The following XRRA1 variants were observed in gnomAD, a reference collection of about 807,000 sequenced individuals.
XRRA1 encodes X-ray radiation resistance associated 1.
Under a neutral mutation model 80.2 loss-of-function variants are expected in XRRA1, and 69 were observed. The observed-to-expected ratio is 0.86, with a 90% CI of 0.71 to 1.05. The LOEUF is 1.05. Ranked by LOEUF, XRRA1 falls within the 50% of genes least tolerant of loss-of-function variation. XRRA1 has a pLI of 0.00. For synonymous variants in XRRA1, 348 were observed against 389.9 expected (o/e 0.89, Z 1.27); for missense variants, 967 against 976.4 (o/e 0.99, Z 0.13).
At chr11:74,932,714 A>G (rs1402038329) in intron 5 of XRRA1, among the ~76,000 whole-genome samples, 1 of 152,242 alleles carries the variant, frequency 6.6e-6, no homozygotes, top group African/African-American at 2.4e-5. Flanking sequence ...ACTATATATT[A>G]TAATCTCTGG....
rs561377995 is a variant in XRRA1 at position 74,855,872 on chromosome 11, C to G, written c.1170+3286G>C. Among the ~76,000 whole-genome samples the G allele has an allele frequency of 1.6e-4, 24 of 152,290 alleles. No homozygotes were observed. The East Asian group carries it at 2.3e-3, about 15-fold the overall frequency. On this transcript the variant is annotated intron_variant, in intron 12 of 18. Coordinates refer to ENST00000684022, the MANE Select transcript of XRRA1 (RefSeq NM_001378157.1). Reference sequence around the variant, plus strand: ...TCATGGGGTCGGGTGTGGTGGCTCACGCCTGTAATCCTAGCACTTTGGGAA... The same window carrying G: ...TCATGGGGTCGGGTGTGGTGGCTCAGGCCTGTAATCCTAGCACTTTGGGAA...
intron 10 of XRRA1, among the ~76,000 whole-genome samples, chr11:74,903,559 C>T (rs1445328820): frequency 1.3e-5 from 2 of 151,972 alleles, no homozygotes; most frequent in African/African-American, 2.4e-5. Flanking sequence ...AAAAATTAGC[C>T]GGGCATGGTG....
At chr11:74,912,117 A>G (rs2056065291) in intron 8 of XRRA1, among the ~76,000 whole-genome samples, 1 of 152,212 alleles carries the variant, frequency 6.6e-6, no homozygotes, top group African/African-American at 2.4e-5. Flanking sequence ...AGTGATTCAG[A>G]AAACACCCAG....
intron 10 of XRRA1, among the ~76,000 whole-genome samples, chr11:74,874,255 A>G (rs1182057318): frequency 6.6e-6 from 1 of 150,718 alleles, no homozygotes; most frequent in Admixed American, 6.6e-5. Flanking sequence ...AAAAAAAAAA[A>G]AAAAAAAGAA....
chr11:74,869,952 T>A (rs2044380766), intron 10 of XRRA1, among the ~76,000 whole-genome samples: 1 of 152,158 alleles, frequency 6.6e-6, no homozygotes, highest in African/African-American at 2.4e-5. Context: ...ACAACAAACC[T>A]CGGGTATCAC....
chr11:74,942,097 T>TA (rs977827499), intron 2 of XRRA1, among the ~76,000 whole-genome samples: 4,515 of 147,286 alleles, frequency 0.031, 228 homozygotes, highest in African/African-American at 0.11. Flanking sequence ...ACCCCATATT[T>TA]AAAAAAAAAA....
At chr11:74,930,821 T>G (rs1224184554) in intron 5 of XRRA1, among the ~76,000 whole-genome samples, 3 of 152,176 alleles carry the variant, frequency 2.0e-5, no homozygotes, top group African/African-American at 7.2e-5. Context: ...TGTTTGTTTT[T>G]GAGACAGGGT....
chr11:74,890,573 G>A (rs2050382306), intron 10 of XRRA1, among the ~76,000 whole-genome samples: 1 of 152,164 alleles, frequency 6.6e-6, no homozygotes, highest in South Asian at 2.1e-4. Context: ...GAAGGAAATA[G>A]AGACACAAAA....
intron 10 of XRRA1, among the ~76,000 whole-genome samples, chr11:74,898,495 T>C (rs770217968): frequency 1.7e-4 from 25 of 143,322 alleles, no homozygotes; most frequent in Non-Finnish European, 1.1e-4. Flanking sequence ...GACCCAGTAA[T>C]TTGCTGCCTA....
intron 10 of XRRA1, among the ~76,000 whole-genome samples, chr11:74,898,605 G>A (rs2052914657): frequency 6.6e-6 from 1 of 151,858 alleles, no homozygotes; most frequent in Admixed American, 6.6e-5. Flanking sequence ...GGAAGGAATA[G>A]CTATACTTAT....
intron 10 of XRRA1, among the ~76,000 whole-genome samples, chr11:74,896,412 G>T (rs1431080404): frequency 6.6e-6 from 1 of 152,234 alleles, no homozygotes; most frequent in Non-Finnish European, 1.5e-5. Flanking sequence ...ACTGGTGGTG[G>T]TAGCCACAGA....
At chr11:74,879,295 G>C (rs1184662201) in intron 10 of XRRA1, among the ~76,000 whole-genome samples, 3,575 of 151,728 alleles carry the variant, frequency 0.024, 118 homozygotes, top group African/African-American at 0.083. Context: ...GAATGCTTGT[G>C]ATTTTTGTAC....
At chr11:74,921,579 C>T (rs1166900248) in intron 7 of XRRA1, among the ~76,000 whole-genome samples, 2 of 152,180 alleles carry the variant, frequency 1.3e-5, no homozygotes, top group African/African-American at 4.8e-5. Context: ...ATAGACTCCT[C>T]CCCGCTGTTT....
intron 10 of XRRA1, among the ~76,000 whole-genome samples, chr11:74,903,431 C>G (rs567165475): frequency 5.3e-5 from 8 of 152,260 alleles, no homozygotes; most frequent in Non-Finnish European, 1.2e-4. Context: ...AGGCTGGGCG[C>G]GGTGGCTCAC....
chr11:74,877,198 C>T (rs952092616), intron 10 of XRRA1, among the ~76,000 whole-genome samples: 1 of 152,200 alleles, frequency 6.6e-6, no homozygotes, highest in African/African-American at 2.4e-5. Flanking sequence ...ACTCTAGCCA[C>T]CCAATAATGT....
intron 10 of XRRA1, among the ~76,000 whole-genome samples, chr11:74,888,946 T>G (rs945822881): frequency 7.0e-4 from 106 of 152,270 alleles, no homozygotes; most frequent in Non-Finnish European, 1.3e-3. Flanking sequence ...ACCTGAAAGT[T>G]ACGGGGAGAA....
At chr11:74,928,744 C>T (rs538751365) in intron 6 of XRRA1, among the ~76,000 whole-genome samples, 1 of 152,240 alleles carries the variant, frequency 6.6e-6, no homozygotes, top group South Asian at 2.1e-4. Context: ...CTGGATGTTT[C>T]CAATGAACAG....
chr11:74,858,850 C>G (rs1468999899), intron 12 of XRRA1, among the ~76,000 whole-genome samples: 1 of 152,158 alleles, frequency 6.6e-6, no homozygotes, highest in African/African-American at 2.4e-5. Flanking sequence ...CCATATCAGT[C>G]TTCCTGTCTT....
chr11:74,909,348 T>C (rs1220704799), intron 8 of XRRA1, among the ~76,000 whole-genome samples: 1 of 152,226 alleles, frequency 6.6e-6, no homozygotes, highest in East Asian at 1.9e-4. Flanking sequence ...TCTGAGCTAT[T>C]ACAGAACAGT....
Sources: gnomAD v4.1 joint callset for allele counts (sites outside exome capture counted in the v4.1 genomes callset) on GRCh38, gnomAD v4.1.1 for gene constraint, MANE v1.5 for transcripts, NCBI Gene and HGNC (gene_info 2026-07-23, HGNC 2026-07-21) for gene names.